The following PRDM7 variants were observed in gnomAD, a reference collection of about 807,000 sequenced individuals.
The protein encoded by PRDM7 is histone-lysine N-methyltransferase PRDM7.
Under a neutral mutation model 64.3 loss-of-function variants are expected in PRDM7, and 52 were observed. That is an observed-to-expected ratio of 0.81 (90% CI 0.65 to 1.02). The LOEUF (loss-of-function observed/expected upper bound fraction) is 1.02, where lower values mean the gene tolerates loss of function less well. Among genes scored for constraint, PRDM7 ranks in the 50% least tolerant of loss-of-function variants. PRDM7 has a pLI of 0.00. For missense variants in PRDM7, 574 were observed against 597.1 expected, an observed-to-expected ratio of 0.96 and a Z score of 0.40; for synonymous variants, 192 against 210.1, an observed-to-expected ratio of 0.91 and a Z score of 0.74.
chr16:90,073,375 T>A (rs1416181320), intron 4 of PRDM7, among the ~76,000 whole-genome samples: 2 of 152,148 alleles, frequency 1.3e-5, no homozygotes, highest in Middle Eastern at 3.2e-3. Flanking sequence ...AAAACAATGT[T>A]TTCTTTTTTT....
At chr16:90,074,643 G>T (rs1477171845) in intron 4 of PRDM7, among the ~76,000 whole-genome samples, 1 of 152,052 alleles carries the variant, frequency 6.6e-6, no homozygotes, top group Non-Finnish European at 1.5e-5. Context: ...GAAGGCCAAG[G>T]TGGGTAGATC....
In PRDM7 at chr16:90,058,066, TCTGACTTATCA is replaced by T; in HGVS notation, c.*212_*222del. On this transcript the variant is annotated 3_prime_UTR_variant, in exon 11 of 11. Coordinates refer to ENST00000449207, the MANE Select transcript of PRDM7 (RefSeq NM_001098173.2). ...GTGTGTCCTTTGGTGTGTAATAACA[TCTGACTTATCA>T]CTGAAACCTTGCCCACACTCTCCAT... The T allele has an allele frequency of 2.5e-6, 4 of 1,613,196 alleles. No individual in the cohort carries two copies. The highest frequency in any genetic ancestry group is 3.4e-6 in the Non-Finnish European group (4 of 1,179,334).
chr16:90,061,329 T>C, intron 9 of PRDM7, 123 bp downstream of exon 9: 2 of 974,588 alleles, frequency 2.1e-6, no homozygotes, highest in Non-Finnish European at 1.6e-6. Context: ...AACAGCATTG[T>C]ATGGAGAAAA....
Position 90,061,443 on chromosome 16 carries a change from T to C in PRDM7, c.950+9A>G. ...TTCTCTCTGAAACTAAGAGACCTAGTGGCCTTACCTCATCCAGTTGGCCGA... is the reference window on the plus strand; with the variant it reads ...TTCTCTCTGAAACTAAGAGACCTAGCGGCCTTACCTCATCCAGTTGGCCGA... On this transcript the variant is annotated intron_variant, in intron 9 of 10. Transcript: ENST00000449207. 6.3e-7 allele frequency: 1 copy of C among 1,580,004 alleles called. No homozygotes were observed. The highest frequency in any genetic ancestry group is 8.7e-7 in the Non-Finnish European group (1 of 1,148,952).
At position 90,058,133 on chromosome 16, in the gene PRDM7, C is replaced by T. The variant is rs1268870373; in HGVS notation, c.*156G>A. On this transcript the variant is annotated 3_prime_UTR_variant, in exon 11 of 11. Coordinates refer to ENST00000449207, the MANE Select transcript of PRDM7 (RefSeq NM_001098173.2). ...ACTTTCGCAATTCTTGAGATTCCTA[C>T]CCCCACAAATAATTTGCCTGTGTTC... The T allele has an allele frequency of 1.4e-5, 22 of 1,614,052 alleles. No homozygotes were observed. The highest frequency in any genetic ancestry group is 2.7e-5 in the African/African-American group (2 of 74,926).
rs758251358 is a variant in PRDM7 at position 90,063,668 on chromosome 16, G to A, written c.452C>T (p.Pro151Leu). The A allele has an allele frequency of 1.0e-4, 166 of 1,613,992 alleles. No homozygotes were observed. Among genetic ancestry groups the A allele is most frequent in the Non-Finnish European group, 1.3e-4 (158 of 1,180,040 alleles). The change falls in exon 6 of 11, where the codon CCA becomes CTA. Residue 151 changes from proline (P) to leucine (L), a missense_variant. Pro to Leu is a moderately conservative substitution (Grantham distance 98). Transcript: ENST00000449207. Reference sequence around the variant, plus strand: ...ACTTGCTTCTCCAGGAGGGGACACTGGTTTCTGAGCCTGCTCTGAGTCACT... The same window carrying A: ...ACTTGCTTCTCCAGGAGGGGACACTAGTTTCTGAGCCTGCTCTGAGTCACT... ...NTSDSEQAQK[P>L]VSPPGEASTS...
rs549640434 is a variant in PRDM7 at position 90,064,568 on chromosome 16, C to G, written c.352-800G>C. ...AGCTAGGATTACAGGCACGTGCCACCACACCCAGCTAATTTTTGTATATTT... is the reference window on the plus strand; with the variant it reads ...AGCTAGGATTACAGGCACGTGCCACGACACCCAGCTAATTTTTGTATATTT... On this transcript the variant is annotated intron_variant, in intron 5 of 10. Coordinates refer to ENST00000449207, the MANE Select transcript of PRDM7 (RefSeq NM_001098173.2). 2.0e-5 allele frequency among the ~76,000 whole-genome samples: 3 copies of G among 151,896 alleles called. No homozygotes were observed. In the South Asian group the frequency reaches 6.3e-4, roughly 32 times the overall value.
At chr16:90,067,938 C>T (rs2037902250) in intron 4 of PRDM7, among the ~76,000 whole-genome samples, 1 of 151,286 alleles carries the variant, frequency 6.6e-6, no homozygotes. Flanking sequence ...AACTGAAAGC[C>T]TTCCTTCTAA....
chr16:90,060,481 G>A lies in PRDM7; in HGVS notation c.1093C>T (p.Leu365=). 1.2e-6 allele frequency: 2 copies of A among 1,613,468 alleles called. No individual in the cohort carries two copies. Among genetic ancestry groups the A allele is most frequent in the Non-Finnish European group, 1.7e-6 (2 of 1,179,820 alleles). The change falls in exon 10 of 11, where the codon CTG becomes TTG. Residue 365 remains leucine (L), a synonymous_variant. Transcript: ENST00000449207. ...VWSGDEYGQE[L]GIRSSIEPAE... Reference sequence around the variant, plus strand: ...GGTTCTATAGAAGATCTGATGCCCAGTTCCTGGCCATACTCATCCCCAGAC... The same window carrying A: ...GGTTCTATAGAAGATCTGATGCCCAATTCCTGGCCATACTCATCCCCAGAC...
At chr16:90,068,843 A>G (rs1218968339) in intron 4 of PRDM7, among the ~76,000 whole-genome samples, 2 of 151,224 alleles carry the variant, frequency 1.3e-5, no homozygotes, top group Non-Finnish European at 2.9e-5. Flanking sequence ...ACTACAAAAC[A>G]GTGCCGACAG....
chr16:90,059,271 A>G (rs780387625), intron 10 of PRDM7, among the ~76,000 whole-genome samples: 2 of 152,206 alleles, frequency 1.3e-5, no homozygotes, highest in Non-Finnish European at 2.9e-5. Context: ...GATTCCACAA[A>G]TCATAAAATG....
Position 90,075,268 on chromosome 16 carries a change from C to T in PRDM7, c.193+83G>A, listed in dbSNP as rs1168567551. 6.2e-6 allele frequency: 10 copies of T among 1,605,312 alleles called. No individual in the cohort carries two copies. The highest frequency in any genetic ancestry group is 7.7e-6 in the Non-Finnish European group (9 of 1,173,690). On this transcript the variant is annotated intron_variant, in intron 3 of 10. Coordinates refer to ENST00000449207, the MANE Select transcript of PRDM7 (RefSeq NM_001098173.2). This position sits in a 1 kb window ranked among gnomAD's most constrained non-coding sequence, Gnocchi z 4.3. ...AAAAGGGAATTGTGGGCAGATGCCG[C>T]CACCTGATAATTAAAATAATATAGG...
In PRDM7 at chr16:90,058,190, C is replaced by G; in HGVS notation, c.*99G>C. ...TTCACTTTCTGGCCTGTTCTGGACT[C>G]TTCTTCCATCATTCTTTCTCCCACT... is the stretch of plus-strand genomic sequence containing the variant. On this transcript the variant is annotated 3_prime_UTR_variant, in exon 11 of 11. Coordinates refer to ENST00000449207, the MANE Select transcript of PRDM7 (RefSeq NM_001098173.2). The G allele has an allele frequency of 6.2e-7, 1 of 1,614,222 alleles. No homozygotes were observed. The highest frequency in any genetic ancestry group is 1.1e-5 in the South Asian group (1 of 91,084).
chr16:90,063,219 G>GC (rs1431012511), intron 6 of PRDM7, among the ~76,000 whole-genome samples: 1 of 152,190 alleles, frequency 6.6e-6, no homozygotes, highest in Non-Finnish European at 1.5e-5. Context: ...GCTGAGCTGA[G>GC]CAGATTACTT....
At chr16:90,073,509 C>A (rs1381360948) in intron 4 of PRDM7, among the ~76,000 whole-genome samples, 2 of 151,726 alleles carry the variant, frequency 1.3e-5, no homozygotes, top group African/African-American at 4.8e-5. Context: ...ATGCCATTCT[C>A]CTGCCTCAGC....
intron 8 of PRDM7, 93 bp downstream of exon 8, chr16:90,061,828 A>G: frequency 2.6e-6 from 4 of 1,565,686 alleles, no homozygotes; most frequent in Non-Finnish European, 3.5e-6. Flanking sequence ...TGTTATCCCT[A>G]CCTATATCCT....
Position 90,075,306 on chromosome 16 carries a change from G to C in PRDM7, c.193+45C>G, listed in dbSNP as rs755479913. 6.2e-7 allele frequency: 1 copy of C among 1,613,992 alleles called. No homozygotes were observed. The highest frequency in any genetic ancestry group is 1.1e-5 in the South Asian group (1 of 91,046). ...AAAATAATATAGGGACCAAAGACCT[G>C]TTTTATATCGCCCAGGCTGGTCTGT... On this transcript the variant is annotated intron_variant, in intron 3 of 10. Coordinates refer to ENST00000449207, the MANE Select transcript of PRDM7 (RefSeq NM_001098173.2). The surrounding 1 kb of genome is among the most constrained non-coding windows in gnomAD (Gnocchi z 4.3).
At position 90,070,758 on chromosome 16, in the gene PRDM7, T is replaced by C. The variant is rs115423589; in HGVS notation, c.302-3848A>G. ...CAACCATGCTGGCACTCTGATTTTT[T>C]ACTACCAGGCTTCAGAAATGTCAGA... On this transcript the variant is annotated intron_variant, in intron 4 of 10. Coordinates refer to ENST00000449207, the MANE Select transcript of PRDM7 (RefSeq NM_001098173.2). Among the ~76,000 whole-genome samples, 572 of 152,308 alleles carry C rather than the reference T, an allele frequency of 3.8e-3. 6 individuals carry two copies. The highest frequency in any genetic ancestry group is 0.013 in the African/African-American group (550 of 41,566).
chr16:90,069,090 C>A (rs1351526651), intron 4 of PRDM7, among the ~76,000 whole-genome samples: 2 of 151,326 alleles, frequency 1.3e-5, no homozygotes, highest in African/African-American at 4.9e-5. Flanking sequence ...GAAGGCCTCA[C>A]ACTTCCTGAT....
Sources: gnomAD v4.1 joint callset for allele counts (sites outside exome capture counted in the v4.1 genomes callset) on GRCh38, gnomAD v4.1.1 for gene constraint, Gnocchi (gnomAD v3.1) non-coding constraint, MANE v1.5 for transcripts, NCBI Gene and HGNC (gene_info 2026-07-23, HGNC 2026-07-21) for gene names.